The following DTD1 variants were observed in gnomAD, a reference collection of about 807,000 sequenced individuals.
DTD1 encodes the protein D-aminoacyl-tRNA deacylase 1.
DTD1 carries 13 observed loss-of-function variants against 25.6 expected under a neutral mutation model. The observed-to-expected ratio is 0.51, with a 90% CI of 0.33 to 0.81. DTD1 has a LOEUF of 0.81. Ranked by LOEUF, DTD1 falls within the 30% of genes least tolerant of loss-of-function variation. DTD1 has a pLI of 0.02. For missense variants in DTD1, 193 were observed against 266.4 expected, an observed-to-expected ratio of 0.72 and a Z score of 1.92; for synonymous variants, 110 against 103.6, an observed-to-expected ratio of 1.06 and a Z score of -0.37.
At chr20:18,661,593 G>C (rs999529029) in intron 4 of DTD1, among the ~76,000 whole-genome samples, 5 of 152,084 alleles carry the variant, frequency 3.3e-5, no homozygotes, top group African/African-American at 1.2e-4. Context: ...GGATGGTTTT[G>C]ATCTCCTGAC....
intron 4 of DTD1, among the ~76,000 whole-genome samples, chr20:18,673,296 T>G (rs1047503269): frequency 2.0e-5 from 3 of 152,246 alleles, no homozygotes; most frequent in African/African-American, 4.8e-5. Context: ...GTTTAACCTT[T>G]TCTGGTATGA....
rs533951368 is a variant in DTD1 at position 18,697,021 on chromosome 20, A to G, written c.478-47079A>G. Among the ~76,000 whole-genome samples, 73 of 151,766 alleles carry G rather than the reference A, an allele frequency of 4.8e-4. 1 individual carries two copies. The South Asian group carries it at 8.6e-3, about 18-fold the overall frequency. ...GCAGAGGCGGGCAGATCACAAGGTC[A>G]GGAGATCACGACCATCCTGCTAACA... On this transcript the variant is annotated intron_variant, in intron 4 of 5. Transcript: ENST00000377452.
chr20:18,623,283 G>C (rs1336403369), intron 3 of DTD1, among the ~76,000 whole-genome samples: 10 of 152,022 alleles, frequency 6.6e-5, no homozygotes, highest in Non-Finnish European at 1.2e-4. Flanking sequence ...TCTATATCTA[G>C]AGTCACATTA....
chr20:18,720,289 C>T (rs187035382), intron 4 of DTD1, among the ~76,000 whole-genome samples: 2 of 152,298 alleles, frequency 1.3e-5, no homozygotes, highest in East Asian at 3.9e-4. Context: ...GAGAACATTT[C>T]ATACTATCAT....
chr20:18,662,338 C>G (rs939763719), intron 4 of DTD1, among the ~76,000 whole-genome samples: 1 of 152,112 alleles, frequency 6.6e-6, no homozygotes, highest in African/African-American at 2.4e-5. Flanking sequence ...CCAGGCTGGT[C>G]TTGAACTCCT....
intron 3 of DTD1, among the ~76,000 whole-genome samples, 181 bp from the exon 4 acceptor site, chr20:18,627,946 A>G (rs889442042): frequency 3.3e-5 from 5 of 152,228 alleles, no homozygotes; most frequent in African/African-American, 7.2e-5. Context: ...GCCTTCCGCC[A>G]TGATTGTGAG....
At position 18,708,317 on chromosome 20, in the gene DTD1, ATATTAT is replaced by A. The variant is rs1353881359; in HGVS notation, c.478-35782_478-35777del. Among the ~76,000 whole-genome samples the A allele has an allele frequency of 7.8e-4, 38 of 48,436 alleles. 3 individuals are homozygous for A. Among genetic ancestry groups the A allele is most frequent in the Non-Finnish European group, 1.5e-3 (35 of 22,994 alleles). The allele number at this position is 48,436 out of a possible 152,430, so 31.8% of individuals were successfully genotyped here. ...TATATAATATATATATTTTATATATATATTATATATATATATTTTATATATATATTA... is the reference window on the plus strand; with the variant it reads ...TATATAATATATATATTTTATATATAATATATATATTTTATATATATATTA... On this transcript the variant is annotated intron_variant, in intron 4 of 5. Coordinates refer to ENST00000377452, the MANE Select transcript of DTD1 (RefSeq NM_080820.6).
intron 4 of DTD1, among the ~76,000 whole-genome samples, chr20:18,731,750 A>C (rs963928910): frequency 1.3e-5 from 2 of 152,194 alleles, no homozygotes; most frequent in Non-Finnish European, 2.9e-5. Context: ...TCAATAAGCA[A>C]TATTTATTGT....
chr20:18,707,962 A>G (rs1394934033), intron 4 of DTD1, among the ~76,000 whole-genome samples: 2 of 150,766 alleles, frequency 1.3e-5, no homozygotes, highest in Non-Finnish European at 1.5e-5. Context: ...AGAACCAGCC[A>G]GTGTTTCCAA....
chr20:18,713,991 G>A (rs1319308463), intron 4 of DTD1, among the ~76,000 whole-genome samples: 1 of 152,148 alleles, frequency 6.6e-6, no homozygotes, highest in Non-Finnish European at 1.5e-5. Flanking sequence ...CTGACCTCCA[G>A]CCTGCACTCC....
intron 4 of DTD1, among the ~76,000 whole-genome samples, chr20:18,689,147 G>T (rs1046255717): frequency 6.6e-6 from 1 of 152,140 alleles, no homozygotes; most frequent in Non-Finnish European, 1.5e-5. Context: ...GAATAAAGAA[G>T]CTGGTTCTAT....
intron 4 of DTD1, among the ~76,000 whole-genome samples, chr20:18,708,233 TATATATATATA>T (rs1288324801): frequency 5.1e-3 from 17 of 3,326 alleles, no homozygotes; most frequent in Admixed American, 0.021. Context: ...ATATATATTT[TATATATATATA>T]ATATATATTA....
chr20:18,596,897 G>A (rs188734070), intron 3 of DTD1, among the ~76,000 whole-genome samples: 4 of 152,114 alleles, frequency 2.6e-5, no homozygotes, highest in Admixed American at 2.6e-4. Flanking sequence ...TACAACTGAT[G>A]AACCTAAGTT....
chr20:18,710,315 G>A (rs1359360580), intron 4 of DTD1, among the ~76,000 whole-genome samples: 1 of 151,362 alleles, frequency 6.6e-6, no homozygotes, highest in Admixed American at 6.6e-5. Context: ...CATAAAAAAT[G>A]GACTTTTTGA....
chr20:18,623,874 CTGTG>C (rs55984974), intron 3 of DTD1, among the ~76,000 whole-genome samples: 41,445 of 143,630 alleles, frequency 0.29, 5,926 homozygotes, highest in East Asian at 0.41. Flanking sequence ...ACAAGAAGAA[CTGTG>C]TGTGTGTGTG....
rs562084785 is a variant in DTD1, at chr20:18,658,058, C to T, written c.477+29825C>T. Among the ~76,000 whole-genome samples, 23 of 152,254 alleles carry T rather than the reference C, an allele frequency of 1.5e-4. No homozygotes were observed. The South Asian group carries it at 3.9e-3, about 26-fold the overall frequency. The stretch of plus-strand genomic sequence containing the variant: ...CTACCACAGTGGGAGAGAGAAGTGG[C>T]AAGGCTCTGTGATACTAAATAGGTT... On this transcript the variant is annotated intron_variant, in intron 4 of 5. Coordinates refer to ENST00000377452, the MANE Select transcript of DTD1 (RefSeq NM_080820.6).
chr20:18,692,476 T>C (rs1352066567), intron 4 of DTD1, among the ~76,000 whole-genome samples: 2 of 152,230 alleles, frequency 1.3e-5, no homozygotes, highest in Non-Finnish European at 2.9e-5. Context: ...ACTCTGCCTT[T>C]ATGACAAGGT....
At position 18,596,932 on chromosome 20, in the gene DTD1, C is replaced by T. The variant is rs146018937; in HGVS notation, c.370+691C>T. ...TCATTGTTGGATTATAACTGTTGTTCATGGCACATCATTATCACCCACAGT... is the reference window on the plus strand; with the variant it reads ...TCATTGTTGGATTATAACTGTTGTTTATGGCACATCATTATCACCCACAGT... On this transcript the variant is annotated intron_variant, in intron 3 of 5. Coordinates refer to ENST00000377452, the MANE Select transcript of DTD1 (RefSeq NM_080820.6). Among the ~76,000 whole-genome samples the T allele has an allele frequency of 3.5e-3, 529 of 152,254 alleles. 1 individual carries two copies. The highest frequency in any genetic ancestry group is 0.012 in the African/African-American group (487 of 41,552).
chr20:18,627,444 G>T (rs569224475), intron 3 of DTD1, among the ~76,000 whole-genome samples: 1 of 152,206 alleles, frequency 6.6e-6, no homozygotes, highest in Non-Finnish European at 1.5e-5. Flanking sequence ...AGAATGCTCT[G>T]TGTTTGCCTT....
Sources: allele counts gnomAD v4.1 joint callset (sites outside exome capture counted in the v4.1 genomes callset), GRCh38; gene constraint gnomAD v4.1.1; transcripts MANE v1.5; gene names NCBI Gene and HGNC (gene_info 2026-07-23, HGNC 2026-07-21).